The following FILIP1 variants were observed in gnomAD, a reference collection of about 807,000 sequenced individuals.
The protein encoded by FILIP1 is filamin A interacting protein 1.
FILIP1 carries 61 observed loss-of-function variants against 102.1 expected under a neutral mutation model. That is an observed-to-expected ratio of 0.60 (90% CI 0.49 to 0.74). The LOEUF (loss-of-function observed/expected upper bound fraction) is 0.74, where lower values mean the gene tolerates loss of function less well. FILIP1 is among the 30% of genes least tolerant of loss of function. The pLI, the probability that FILIP1 is intolerant of heterozygous loss-of-function variation, is 0.00. For missense variants in FILIP1, 1,314 were observed against 1,441.2 expected (o/e 0.91, Z 1.43); for synonymous variants, 491 against 526.9 (o/e 0.93, Z 0.93).
In FILIP1 at chr6:75,367,044, C is replaced by T. The variant is rs1052758179; in HGVS notation, c.277-4127G>A. ...ATTTAAGCTATTCAGTTTAAAAATACGCAAATATTATTGGTATTGATCATC... is the reference window on the plus strand; with the variant it reads ...ATTTAAGCTATTCAGTTTAAAAATATGCAAATATTATTGGTATTGATCATC... On this transcript the variant is annotated intron_variant, in intron 2 of 5. Coordinates refer to ENST00000237172, the MANE Select transcript of FILIP1 (RefSeq NM_015687.5). Among the ~76,000 whole-genome samples, 14 of 152,108 alleles carry T rather than the reference C, an allele frequency of 9.2e-5. No homozygotes were observed. In the East Asian group the frequency reaches 1.2e-3, roughly 13 times the overall value.
At chr6:75,363,079 G>A in intron 2 of FILIP1, 162 bp from the exon 3 acceptor site, 1 of 585,878 alleles carries the variant, frequency 1.7e-6, no homozygotes. Context: ...ACCAAAAGCA[G>A]ATTGGCAAGC....
chr6:75,342,067 G>A (rs1774436148), intron 4 of FILIP1, among the ~76,000 whole-genome samples: 1 of 152,212 alleles, frequency 6.6e-6, no homozygotes, highest in Non-Finnish European at 1.5e-5. Context: ...AAAAATCAGA[G>A]AGGTTAAATA....
chr6:75,312,377 T>C lies in FILIP1; in HGVS notation c.3435+20A>G, dbSNP rs772869232. 1.6e-5 allele frequency: 25 copies of C among 1,603,394 alleles called. No homozygotes were observed. The highest frequency in any genetic ancestry group is 1.7e-5 in the Non-Finnish European group (20 of 1,173,950). The stretch of plus-strand genomic sequence containing the variant: ...CTCCCTCCCTCTGCAGGCCTGCGCT[T>C]TGGAGCCTCTTCTACTCACCACTGA... On this transcript the variant is annotated intron_variant, in intron 5 of 5. Transcript: ENST00000237172.
chr6:75,311,165 ATATAATT>A lies in FILIP1; in HGVS notation c.3435+1225_3435+1231del, dbSNP rs1201665225. On this transcript the variant is annotated intron_variant, in intron 5 of 5. Transcript: ENST00000237172. ...ACAATCACTGGAAGTATTTTGAAAA[ATATAATT>A]TATAATTTATTTATTTATTTACTTT... Among the ~76,000 whole-genome samples the A allele has an allele frequency of 4.6e-5, 7 of 152,208 alleles. No individual in the cohort carries two copies. In the East Asian group the frequency reaches 1.4e-3, roughly 29 times the overall value.
At chr6:75,471,827 C>T (rs1582557071) in intron 1 of FILIP1, among the ~76,000 whole-genome samples, 2 of 152,028 alleles carry the variant, frequency 1.3e-5, no homozygotes, top group East Asian at 3.8e-4. Context: ...ATCATTTATG[C>T]TAAAATACAT....
At chr6:75,456,368 A>G in intron 1 of FILIP1, among the ~76,000 whole-genome samples, 1 of 152,150 alleles carries the variant, frequency 6.6e-6, no homozygotes, top group Non-Finnish European at 1.5e-5. Flanking sequence ...AACACCAAAT[A>G]TTTAAACAAT....
intron 2 of FILIP1, chr6:75,367,275 T>C (rs1416626562): frequency 6.6e-6 from 1 of 152,202 alleles, no homozygotes; most frequent in African/African-American, 2.4e-5. Flanking sequence ...ATATAATACA[T>C]TGTATTTATT....
chr6:75,375,116 G>A (rs1247857279), intron 2 of FILIP1, among the ~76,000 whole-genome samples: 2 of 148,888 alleles, frequency 1.3e-5, no homozygotes, highest in Non-Finnish European at 2.9e-5. Flanking sequence ...GTGCAGCACA[G>A]TGTCTGTCAC....
At chr6:75,489,140 C>T (rs1582580741) in intron 1 of FILIP1, among the ~76,000 whole-genome samples, 1 of 152,084 alleles carries the variant, frequency 6.6e-6, no homozygotes, top group Non-Finnish European at 1.5e-5. Context: ...AACAGACACC[C>T]AAGCACTGTG....
intron 3 of FILIP1, among the ~76,000 whole-genome samples, chr6:75,359,442 G>A (rs768016481): frequency 1.3e-5 from 2 of 152,134 alleles, no homozygotes; most frequent in Non-Finnish European, 1.5e-5. Flanking sequence ...GTGGTTAATG[G>A]AAAAAGGCCC....
At chr6:75,391,762 C>G (rs1405758279) in intron 2 of FILIP1, among the ~76,000 whole-genome samples, 1 of 152,122 alleles carries the variant, frequency 6.6e-6, no homozygotes, top group Non-Finnish European at 1.5e-5. Context: ...TGAACAAGAT[C>G]CTCCCTTGAC....
At chr6:75,302,675 T>G (rs773761666) in intron 6 of FILIP1, among the ~76,000 whole-genome samples, 1 of 151,522 alleles carries the variant, frequency 6.6e-6, no homozygotes, top group Admixed American at 6.6e-5. Context: ...AGTGTGGGGG[T>G]CCCGCCAAGG....
intron 3 of FILIP1, chr6:75,358,499 C>G (rs938393065): frequency 3.3e-5 from 5 of 152,192 alleles, no homozygotes; most frequent in Admixed American, 3.3e-4. Context: ...TTGAGGAGGA[C>G]ACTGTAAATG....
rs1461873246 is a variant in FILIP1 at position 75,312,684 on chromosome 6, C to T, written c.3148G>A (p.Val1050Ile). The change falls in exon 5 of 6, where the codon GTA becomes ATA. Residue 1050 changes from valine to isoleucine, a missense_variant. Physicochemically the swap from Val to Ile is conservative, Grantham distance 29. Coordinates refer to ENST00000237172, the MANE Select transcript of FILIP1 (RefSeq NM_015687.5). ...TPEKQTVPTP[V>I]RKYNSNANII... is the part of the protein sequence containing the mutation. ...TTGGCATTGGAGTTGTATTTCCGTA[C>T]TGGAGTTGGAACAGTCTGTTTTTCT... 1 of 1,614,184 alleles carries T rather than the reference C, an allele frequency of 6.2e-7. No individual in the cohort carries two copies. The highest frequency in any genetic ancestry group is 8.5e-7 in the Non-Finnish European group (1 of 1,180,034).
At position 75,312,679 on chromosome 6, in the gene FILIP1, C is replaced by T; in HGVS notation, c.3153G>A (p.Arg1051=). The change falls in exon 5 of 6, where the codon CGG becomes CGA. Residue 1051 remains arginine (R), a synonymous_variant. Coordinates refer to ENST00000237172, the MANE Select transcript of FILIP1 (RefSeq NM_015687.5). ...TGATATTGGCATTGGAGTTGTATTT[C>T]CGTACTGGAGTTGGAACAGTCTGTT... ...PEKQTVPTPV[R]KYNSNANIIT... The T allele has an allele frequency of 6.2e-7, 1 of 1,614,174 alleles. No homozygotes were observed. Among genetic ancestry groups the T allele is most frequent in the Non-Finnish European group, 8.5e-7 (1 of 1,180,040 alleles).
chr6:75,406,941 A>G (rs758783293), intron 2 of FILIP1, among the ~76,000 whole-genome samples: 3 of 152,128 alleles, frequency 2.0e-5, no homozygotes, highest in Non-Finnish European at 2.9e-5. Context: ...TACAGGTGTG[A>G]GCCACCGCAC....
intron 1 of FILIP1, among the ~76,000 whole-genome samples, chr6:75,446,403 T>C (rs1030142821): frequency 2.0e-5 from 3 of 152,194 alleles, no homozygotes; most frequent in African/African-American, 7.2e-5. Context: ...CCACTAGCCA[T>C]CTCAGTAAAA....
Position 75,313,293 on chromosome 6 carries a change from C to T in FILIP1, c.2539G>A (p.Val847Met), listed in dbSNP as rs1216964289. ...NLRQVGLKKP[V>M]ERSSVLDRYP... ...CTGTCTAGAACAGAAGATCTTTCCACGGGTTTCTTCAATCCCACCTGCCGA... is the reference window on the plus strand; with the variant it reads ...CTGTCTAGAACAGAAGATCTTTCCATGGGTTTCTTCAATCCCACCTGCCGA... Residue 847 changes from valine (V) to methionine (M), a missense_variant, in exon 5 of 6, where the codon GTG becomes ATG. Coordinates refer to ENST00000237172, the MANE Select transcript of FILIP1 (RefSeq NM_015687.5). The surrounding 1 kb of genome is among the most constrained non-coding windows in gnomAD (Gnocchi z 4.2). The T allele has an allele frequency of 6.2e-7, 1 of 1,614,178 alleles. No homozygotes were observed. Among genetic ancestry groups the T allele is most frequent in the Non-Finnish European group, 8.5e-7 (1 of 1,180,032 alleles).
chr6:75,294,708 T>C (rs905412456), exon 7 of FILIP1: 8 of 152,010 alleles, frequency 5.3e-5, no homozygotes, highest in Non-Finnish European at 1.2e-4. Flanking sequence ...TTGTCTTTGT[T>C]TTGAGACAGA....
Sources: allele counts gnomAD v4.1 joint callset (sites outside exome capture counted in the v4.1 genomes callset), GRCh38; gene constraint gnomAD v4.1.1; non-coding constraint Gnocchi (gnomAD v3.1); transcripts MANE v1.5; gene names NCBI Gene and HGNC (gene_info 2026-07-23, HGNC 2026-07-21).